SRL: variants seen among roughly 807,000 people sequenced by gnomAD.
SRL encodes the protein sarcalumenin.
A neutral mutation model predicts 39.5 loss-of-function variants in SRL; 23 were observed. The ratio of observed to expected loss-of-function variants is 0.58; its 90% CI spans 0.42 to 0.82. The LOEUF (loss-of-function observed/expected upper bound fraction) is 0.82. SRL is among the 40% of genes least tolerant of loss of function. SRL has a pLI of 0.00. For synonymous variants in SRL, 272 were observed against 237.4 expected (o/e 1.15, Z -1.34); for missense variants, 592 against 607.8 (o/e 0.97, Z 0.27).
At chr16:4,197,556 G>C (rs1422023656) in intron 4 of SRL, among the ~76,000 whole-genome samples, 1 of 151,188 alleles carries the variant, frequency 6.6e-6, no homozygotes, top group East Asian at 1.9e-4. Context: ...TGAGTAGCTG[G>C]GATTACAGGA....
chr16:4,216,110 C>T (rs1000535922), intron 1 of SRL, among the ~76,000 whole-genome samples: 10 of 152,002 alleles, frequency 6.6e-5, no homozygotes, highest in Admixed American at 2.6e-4. Flanking sequence ...AGAATAACTT[C>T]ACTCCTCACC....
chr16:4,218,182 A>G (rs941990853), intron 1 of SRL, among the ~76,000 whole-genome samples: 1 of 151,526 alleles, frequency 6.6e-6, no homozygotes, highest in African/African-American at 2.4e-5. Flanking sequence ...CCCTTTCCCC[A>G]CCACGTCCCA....
intron 1 of SRL, among the ~76,000 whole-genome samples, chr16:4,226,337 A>G (rs1476344105): frequency 1.3e-5 from 2 of 151,522 alleles, no homozygotes; most frequent in Admixed American, 6.6e-5. Context: ...TGGATGGATG[A>G]ACAGACGAAT....
chr16:4,208,512 T>C (rs889805), intron 1 of SRL, among the ~76,000 whole-genome samples: 82,557 of 152,012 alleles, frequency 0.54, 23,140 homozygotes, highest in Middle Eastern at 0.69. Context: ...CGTGTGCAGC[T>C]GGGCTCAACC....
chr16:4,203,086 G>A, intron 3 of SRL, 80 bp downstream of exon 3: 1 of 1,245,302 alleles, frequency 8.0e-7, no homozygotes, highest in Non-Finnish European at 1.2e-6. Context: ...GAGAGTCCAG[G>A]CCGGTCAGCA....
chr16:4,212,867 G>C (rs1301105482), intron 1 of SRL, among the ~76,000 whole-genome samples: 3 of 152,128 alleles, frequency 2.0e-5, no homozygotes, highest in African/African-American at 7.2e-5. Flanking sequence ...CCCAGGCTCA[G>C]TCCCTCTCTC....
intron 1 of SRL, among the ~76,000 whole-genome samples, chr16:4,228,622 C>G (rs538877892): frequency 2.6e-4 from 40 of 151,918 alleles, no homozygotes; most frequent in African/African-American, 9.7e-4. Context: ...GTAGTCCCAG[C>G]TACTCGGGAG....
intron 1 of SRL, among the ~76,000 whole-genome samples, chr16:4,228,119 T>C (rs984999190): frequency 3.9e-5 from 6 of 152,288 alleles, no homozygotes; most frequent in African/African-American, 1.4e-4. Context: ...GGACCGGGCC[T>C]CCCTGACCAT....
chr16:4,223,808 G>A (rs2052557428), intron 1 of SRL, among the ~76,000 whole-genome samples: 1 of 152,132 alleles, frequency 6.6e-6, no homozygotes, highest in Non-Finnish European at 1.5e-5. Flanking sequence ...GAGACCTACG[G>A]GTTGCAAAGG....
Position 4,191,951 on chromosome 16 carries a change from A to G in SRL, c.*202T>C. The G allele has an allele frequency of 1.9e-6, 1 of 540,428 alleles. No homozygotes were observed. Among genetic ancestry groups the G allele is most frequent in the Non-Finnish European group, 3.2e-6 (1 of 316,158 alleles). 33.5% of individuals were successfully genotyped at this position (540,428 alleles called of 1,614,324 possible). On this transcript the variant is annotated 3_prime_UTR_variant, in exon 6 of 6. Coordinates refer to ENST00000399609, the MANE Select transcript of SRL (RefSeq NM_001098814.2). ...CAGGCCTCCTCATTGAAGCAACAAG[A>G]CAAGCACACAGGAATTCACAGTTTC...
intron 1 of SRL, among the ~76,000 whole-genome samples, chr16:4,217,575 C>T (rs997283317): frequency 2.0e-5 from 3 of 152,128 alleles, no homozygotes; most frequent in African/African-American, 7.2e-5. Flanking sequence ...ACTGGCGCCC[C>T]CACCCCCCGC....
At chr16:4,196,471 CTT>C (rs35980213) in intron 4 of SRL, among the ~76,000 whole-genome samples, 21,660 of 123,524 alleles carry the variant, frequency 0.18, 1,566 homozygotes, top group African/African-American at 0.22. Context: ...ATTTTGCCTT[CTT>C]TTTTTTTTTT....
At chr16:4,228,519 A>C (rs1391492964) in intron 1 of SRL, among the ~76,000 whole-genome samples, 1 of 152,006 alleles carries the variant, frequency 6.6e-6, no homozygotes, top group Non-Finnish European at 1.5e-5. Context: ...GCGGATCACT[A>C]GGTCAGGAGA....
chr16:4,201,006 C>A (rs1159925538), intron 3 of SRL, among the ~76,000 whole-genome samples: 1 of 152,120 alleles, frequency 6.6e-6, no homozygotes, highest in Admixed American at 6.5e-5. Context: ...TTTTAAATTG[C>A]ATTGCTGTTG....
Position 4,221,865 on chromosome 16 carries a change from G to GTCTC in SRL, c.62-17235_62-17232dup, listed in dbSNP as rs562004997. On this transcript the variant is annotated intron_variant, in intron 1 of 5. Coordinates refer to ENST00000399609, the MANE Select transcript of SRL (RefSeq NM_001098814.2). ...CTTGGCTTGTGGCTGCGTCACTCCA[G>GTCTC]TCTCTGCCTCCACTGACACAAGGCC... is the stretch of plus-strand genomic sequence containing the variant. 3.2e-3 allele frequency among the ~76,000 whole-genome samples: 494 copies of GTCTC among 152,278 alleles called. 3 individuals carry two copies. Among genetic ancestry groups the GTCTC allele is most frequent in the South Asian group, 0.019 (90 of 4,828 alleles).
intron 2 of SRL, among the ~76,000 whole-genome samples, chr16:4,203,732 T>C (rs1210743855): frequency 6.6e-6 from 1 of 152,074 alleles, no homozygotes; most frequent in Non-Finnish European, 1.5e-5. Context: ...CTCACCTCAG[T>C]AGTGTGTCTG....
intron 1 of SRL, among the ~76,000 whole-genome samples, chr16:4,229,433 G>C (rs1388863065): frequency 6.6e-6 from 1 of 151,964 alleles, no homozygotes. Context: ...CTGGGCGACA[G>C]AGCAAGACAC....
intron 1 of SRL, among the ~76,000 whole-genome samples, chr16:4,218,120 A>G (rs981696183): frequency 1.3e-5 from 2 of 152,070 alleles, no homozygotes; most frequent in Admixed American, 6.5e-5. Context: ...CCCTGACTCC[A>G]GCCTCAGTCA....
intron 1 of SRL, among the ~76,000 whole-genome samples, chr16:4,219,986 C>T (rs148395168): frequency 5.9e-5 from 9 of 152,180 alleles, no homozygotes; most frequent in Non-Finnish European, 1.2e-4. Context: ...AGCATTCCAG[C>T]GTCTGGGTCA....
Sources: gnomAD v4.1 joint callset for allele counts (sites outside exome capture counted in the v4.1 genomes callset) on GRCh38, gnomAD v4.1.1 for gene constraint, MANE v1.5 for transcripts, NCBI Gene and HGNC (gene_info 2026-07-23, HGNC 2026-07-21) for gene names.